The following CABLES1 variants were observed in gnomAD, a reference collection of about 807,000 sequenced individuals.
CABLES1 encodes the protein CDK5 and ABL1 enzyme substrate 1.
CABLES1 carries 36 observed loss-of-function variants against 57.8 expected under a neutral mutation model. The observed-to-expected ratio is 0.62, with a 90% CI of 0.48 to 0.82. The LOEUF is 0.82. CABLES1 is among the 40% of genes least tolerant of loss of function. CABLES1 has a pLI of 0.00. For missense variants in CABLES1, 767 were observed against 836.6 expected (o/e 0.92, Z 1.03); for synonymous variants, 374 against 363.0 (o/e 1.03, Z -0.35).
intron 4 of CABLES1, among the ~76,000 whole-genome samples, chr18:23,228,579 T>C (rs986659332): frequency 1.3e-5 from 2 of 152,162 alleles, no homozygotes; most frequent in African/African-American, 2.4e-5. Context: ...AGCCTGTTTT[T>C]CTGCTCATTG....
intron 3 of CABLES1, among the ~76,000 whole-genome samples, chr18:23,201,363 TG>T (rs1275445094): frequency 1.3e-5 from 2 of 152,148 alleles, no homozygotes; most frequent in Non-Finnish European, 2.9e-5. Context: ...GTCCCATCTG[TG>T]GTGTTGCCAT....
intron 1 of CABLES1, among the ~76,000 whole-genome samples, chr18:23,166,476 T>A (rs2047043517): frequency 6.6e-6 from 1 of 152,214 alleles, no homozygotes; most frequent in Non-Finnish European, 1.5e-5. Context: ...GTGTTGGGAT[T>A]ACAGGCGTGA....
chr18:23,150,475 C>T (rs1483792137), intron 1 of CABLES1, among the ~76,000 whole-genome samples: 1 of 152,128 alleles, frequency 6.6e-6, no homozygotes, highest in Admixed American at 6.5e-5. Flanking sequence ...CTCGGCCTCC[C>T]AAAGTGCTGG....
At position 23,205,561 on chromosome 18, in the gene CABLES1, G is replaced by T. The variant is rs116102921; in HGVS notation, c.1011-8416G>T. ...CCTTACCTTAGCCCCCAAAATTCCT[G>T]TGTTGAGGTCCTAACTCCCTGTACC... On this transcript the variant is annotated intron_variant, in intron 3 of 9. Coordinates refer to ENST00000256925, the MANE Select transcript of CABLES1 (RefSeq NM_001100619.3). Among the ~76,000 whole-genome samples the T allele has an allele frequency of 2.7e-3, 406 of 152,206 alleles. 1 individual carries two copies. Among genetic ancestry groups the T allele is most frequent in the African/African-American group, 9.5e-3 (395 of 41,506 alleles).
intron 1 of CABLES1, among the ~76,000 whole-genome samples, chr18:23,168,709 C>T (rs2047060714): frequency 6.6e-6 from 1 of 152,194 alleles, no homozygotes; most frequent in Admixed American, 6.5e-5. Flanking sequence ...CAGAAGGGTC[C>T]TGCGGCCATT....
At chr18:23,147,979 C>CTTTTT (rs10603023) in intron 1 of CABLES1, among the ~76,000 whole-genome samples, 18 of 78,444 alleles carry the variant, frequency 2.3e-4, no homozygotes, top group African/African-American at 1.0e-3. Context: ...GCTTGGCCTC[C>CTTTTT]TTTTTTTTTT....
chr18:23,219,685 G>C (rs997759454), intron 4 of CABLES1, among the ~76,000 whole-genome samples: 1 of 152,198 alleles, frequency 6.6e-6, no homozygotes, highest in African/African-American at 2.4e-5. Context: ...CTGAGTCTCA[G>C]ACCCCTCATC....
intron 6 of CABLES1, among the ~76,000 whole-genome samples, chr18:23,236,558 C>A (rs755641770): frequency 2.6e-5 from 4 of 152,146 alleles, no homozygotes; most frequent in Non-Finnish European, 4.4e-5. Context: ...GGAGAAAACA[C>A]TTTAGGAAGC....
chr18:23,185,175 G>C (rs2047193970), intron 1 of CABLES1, among the ~76,000 whole-genome samples: 1 of 152,220 alleles, frequency 6.6e-6, no homozygotes, highest in African/African-American at 2.4e-5. Flanking sequence ...GGTGCAGGAA[G>C]AGGTGGCTAC....
chr18:23,216,541 T>C (rs2047443444), intron 4 of CABLES1, among the ~76,000 whole-genome samples: 1 of 152,172 alleles, frequency 6.6e-6, no homozygotes, highest in Admixed American at 6.5e-5. Flanking sequence ...CCCATATTTC[T>C]GACAGTAAAA....
chr18:23,163,420 A>G lies in CABLES1; in HGVS notation c.846-25418A>G, dbSNP rs115661942. Among the ~76,000 whole-genome samples the G allele has an allele frequency of 5.1e-3, 780 of 151,966 alleles. 4 individuals are homozygous for G. Among genetic ancestry groups the G allele is most frequent in the African/African-American group, 0.018 (742 of 41,306 alleles). On this transcript the variant is annotated intron_variant, in intron 1 of 9. Coordinates refer to ENST00000256925, the MANE Select transcript of CABLES1 (RefSeq NM_001100619.3). ...AGGGAGCGGGGACAGAGAGATGAGA[A>G]AAGTCCAACCTGGAGGGTCTTCCGT...
At chr18:23,242,314 A>G (rs1312997807) in intron 7 of CABLES1, among the ~76,000 whole-genome samples, 2 of 152,124 alleles carry the variant, frequency 1.3e-5, no homozygotes, top group African/African-American at 2.4e-5. Context: ...TGCAAAACAA[A>G]TTGCAGCTGG....
At chr18:23,165,844 C>T (rs1271119156) in intron 1 of CABLES1, among the ~76,000 whole-genome samples, 2 of 152,152 alleles carry the variant, frequency 1.3e-5, no homozygotes, top group African/African-American at 2.4e-5. Flanking sequence ...CTCGTCCTCT[C>T]CTCCCCCATC....
intron 4 of CABLES1, 128 bp from the exon 5 acceptor site, chr18:23,234,480 G>T (rs1257014463): frequency 2.8e-6 from 2 of 706,232 alleles, no homozygotes; most frequent in African/African-American, 3.5e-5. Context: ...ACAACGGGCT[G>T]TCCCATCACC....
chr18:23,222,783 G>GGT (rs2047498622), intron 4 of CABLES1, among the ~76,000 whole-genome samples: 1 of 152,128 alleles, frequency 6.6e-6, no homozygotes, highest in Non-Finnish European at 1.5e-5. Context: ...AGGCCCAGAA[G>GGT]GTGCTAACAC....
At chr18:23,239,745 G>GAGT (rs1406932164) in intron 7 of CABLES1, among the ~76,000 whole-genome samples, 3 of 152,184 alleles carry the variant, frequency 2.0e-5, no homozygotes, top group African/African-American at 4.8e-5. Flanking sequence ...CTCCACCTTG[G>GAGT]AGTGAGTGGG....
intron 4 of CABLES1, among the ~76,000 whole-genome samples, chr18:23,228,062 T>G (rs2047540880): frequency 6.6e-6 from 1 of 152,202 alleles, no homozygotes; most frequent in Admixed American, 6.5e-5. Context: ...TGGATCACAC[T>G]TTTTCCATCT....
At chr18:23,172,793 G>A (rs1282062856) in intron 1 of CABLES1, among the ~76,000 whole-genome samples, 2 of 152,222 alleles carry the variant, frequency 1.3e-5, no homozygotes, top group African/African-American at 4.8e-5. Context: ...TAGAACTGTG[G>A]TGGCTAATTA....
intron 1 of CABLES1, among the ~76,000 whole-genome samples, chr18:23,172,013 C>G (rs1005194896): frequency 1.3e-5 from 2 of 152,188 alleles, no homozygotes; most frequent in Admixed American, 1.3e-4. Flanking sequence ...CTCGACCTCA[C>G]GGGCTCAAGT....
Sources: gnomAD v4.1 joint callset for allele counts (sites outside exome capture counted in the v4.1 genomes callset) on GRCh38, gnomAD v4.1.1 for gene constraint, MANE v1.5 for transcripts, NCBI Gene and HGNC (gene_info 2026-07-23, HGNC 2026-07-21) for gene names.